Variants in SLC9A9 observed in about 807,000 individuals in gnomAD.
SLC9A9 encodes the protein solute carrier family 9 member A9, also known as sodium/hydrogen exchanger 9.
In SLC9A9, 62 loss-of-function variants were observed where a neutral mutation model predicts 77.8. That is an observed-to-expected ratio of 0.80 (90% CI 0.65 to 0.98). The LOEUF is 0.98. SLC9A9 is among the 50% of genes least tolerant of loss of function. The pLI is 0.00. For synonymous variants in SLC9A9, 320 were observed against 283.5 expected (o/e 1.13, Z -1.29); for missense variants, 775 against 774.9 (o/e 1.00, Z 0.00).
Position 143,767,376 on chromosome 3 carries a change from ATGTGTGTGTGTGTG to A in SLC9A9, c.533+27611_533+27624del, listed in dbSNP as rs142594079. Among the ~76,000 whole-genome samples the A allele has an allele frequency of 5.0e-5, 7 of 141,376 alleles. No homozygotes were observed. The South Asian group carries it at 7.3e-4, about 15-fold the overall frequency. 92.7% of individuals were successfully genotyped at this position (141,376 alleles called of 152,430 possible). ...TTTGTGAAACAGTAAGTGTCTGTGT[ATGTGTGTGTGTGTG>A]TGTGTGTGTGTGTGTGTGTGTGTTT... is the stretch of plus-strand genomic sequence containing the variant. On this transcript the variant is annotated intron_variant, in intron 4 of 15. Transcript: ENST00000316549.
chr3:143,821,410 A>G (rs905009562), intron 2 of SLC9A9, among the ~76,000 whole-genome samples: 1 of 152,238 alleles, frequency 6.6e-6, no homozygotes, highest in African/African-American at 2.4e-5. Flanking sequence ...CATCTCAGAG[A>G]TGAGATTCAA....
intron 6 of SLC9A9, among the ~76,000 whole-genome samples, chr3:143,600,473 A>T (rs1415273622): frequency 6.6e-6 from 1 of 152,222 alleles, no homozygotes; most frequent in African/African-American, 2.4e-5. Flanking sequence ...TAAGTGTGTG[A>T]AAAATACAAC....
At chr3:143,333,333 G>A (rs1261031530) in intron 14 of SLC9A9, among the ~76,000 whole-genome samples, 1 of 147,866 alleles carries the variant, frequency 6.8e-6, no homozygotes, top group Non-Finnish European at 1.5e-5. Flanking sequence ...TTGTTATTTA[G>A]CAAGCAAATA....
intron 8 of SLC9A9, among the ~76,000 whole-genome samples, chr3:143,555,583 G>A (rs909326684): frequency 1.3e-5 from 2 of 152,176 alleles, no homozygotes; most frequent in African/African-American, 2.4e-5. Flanking sequence ...ATAGTCCATA[G>A]CATCCCTGTG....
At position 143,316,912 on chromosome 3, in the gene SLC9A9, A is replaced by G. The variant is rs62276761; in HGVS notation, c.1604+46572T>C. ...TGAGTAACTGAGGCTCAGAGAGGTC[A>G]AGTAGCTTGCACATGATCACACAGA... On this transcript the variant is annotated intron_variant, in intron 14 of 15. Transcript: ENST00000316549. Among the ~76,000 whole-genome samples, 1,206 of 152,232 alleles carry G rather than the reference A, an allele frequency of 7.9e-3. 6 individuals are homozygous for G. Among genetic ancestry groups the G allele is most frequent in the Middle Eastern group, 0.02 (6 of 294 alleles).
rs947352526 is a variant in SLC9A9 at position 143,838,663 on chromosome 3, G to A, written c.176-6442C>T. On this transcript the variant is annotated intron_variant, in intron 1 of 15. Coordinates refer to ENST00000316549, the MANE Select transcript of SLC9A9 (RefSeq NM_173653.4). ...GGAATTCCAAGATGAAAGGAATAAC[G>A]TTCAAGGAAGAATGTTCTTTACCAT... is the stretch of plus-strand genomic sequence containing the variant. 3.3e-5 allele frequency among the ~76,000 whole-genome samples: 5 copies of A among 152,272 alleles called. No individual in the cohort carries two copies. The East Asian group carries it at 9.6e-4, about 29-fold the overall frequency.
chr3:143,467,299 TA>T (rs2035299065), intron 11 of SLC9A9, 109 bp from the exon 12 acceptor site: 1 of 1,216,338 alleles, frequency 8.2e-7, no homozygotes, highest in Non-Finnish European at 1.2e-6. Flanking sequence ...TTAATCTTTT[TA>T]TTTTGAGATA....
At chr3:143,540,124 C>T (rs995075721) in intron 9 of SLC9A9, among the ~76,000 whole-genome samples, 1 of 151,934 alleles carries the variant, frequency 6.6e-6, no homozygotes, top group Non-Finnish European at 1.5e-5. Context: ...GTATGTGCCA[C>T]CAAGACATTG....
chr3:143,315,798 G>C (rs1270186748), intron 14 of SLC9A9, among the ~76,000 whole-genome samples: 1 of 152,166 alleles, frequency 6.6e-6, no homozygotes, highest in Non-Finnish European at 1.5e-5. Context: ...TGCTTCCCTG[G>C]GGTAAAGCTA....
chr3:143,279,178 C>A (rs1367586204), intron 14 of SLC9A9, among the ~76,000 whole-genome samples: 2 of 152,146 alleles, frequency 1.3e-5, no homozygotes, highest in Non-Finnish European at 2.9e-5. Flanking sequence ...GCTTCTGGAG[C>A]CCTAGGAAAA....
At chr3:143,527,478 C>A (rs180967528) in intron 9 of SLC9A9, among the ~76,000 whole-genome samples, 1 of 152,290 alleles carries the variant, frequency 6.6e-6, no homozygotes, top group Admixed American at 6.5e-5. Context: ...ACTTACTTGA[C>A]TAGTTGTCTT....
intron 14 of SLC9A9, among the ~76,000 whole-genome samples, chr3:143,286,837 G>A (rs760308672): frequency 5.9e-5 from 9 of 152,164 alleles, no homozygotes; most frequent in Admixed American, 3.9e-4. Flanking sequence ...ACTTCCTAGT[G>A]TCTGACAGAC....
intron 12 of SLC9A9, among the ~76,000 whole-genome samples, chr3:143,393,023 T>C (rs938711335): frequency 1.3e-5 from 2 of 152,138 alleles, no homozygotes; most frequent in Admixed American, 1.3e-4. Context: ...ACTGTCAATA[T>C]TAGACAGATA....
intron 9 of SLC9A9, among the ~76,000 whole-genome samples, chr3:143,505,532 A>G (rs1393729356): frequency 6.6e-6 from 1 of 152,168 alleles, no homozygotes; most frequent in East Asian, 1.9e-4. Context: ...GAGGAGGTGC[A>G]CCACTTAAGC....
intron 4 of SLC9A9, among the ~76,000 whole-genome samples, chr3:143,777,194 T>A (rs1183125452): frequency 6.6e-6 from 1 of 152,160 alleles, no homozygotes; most frequent in Non-Finnish European, 1.5e-5. Flanking sequence ...AAAATAGCCA[T>A]TTTTATTTAA....
In SLC9A9 at chr3:143,540,601, C is replaced by G. The variant is rs369229122; in HGVS notation, c.1089+11761G>C. 1.1e-4 allele frequency among the ~76,000 whole-genome samples: 17 copies of G among 152,214 alleles called. No individual in the cohort carries two copies. The East Asian group carries it at 3.3e-3, about 29-fold the overall frequency. ...AATAAATTGAAAATGATCAGGATCA[C>G]GTGTAAAGTTTCATAAATTTAATAA... On this transcript the variant is annotated intron_variant, in intron 9 of 15. Transcript: ENST00000316549.
intron 14 of SLC9A9, among the ~76,000 whole-genome samples, chr3:143,286,646 T>C (rs1227875817): frequency 6.6e-6 from 1 of 152,214 alleles, no homozygotes; most frequent in Non-Finnish European, 1.5e-5. Flanking sequence ...TTTTGTGCTG[T>C]GGGGCTATGT....
intron 8 of SLC9A9, 36 bp from the exon 9 acceptor site, chr3:143,552,486 T>C: frequency 6.3e-7 from 1 of 1,586,780 alleles, no homozygotes; most frequent in Admixed American, 1.7e-5. Context: ...AAAACCAATT[T>C]TTCTTTTCCA....
At chr3:143,371,218 G>T (rs2108490221) in intron 13 of SLC9A9, among the ~76,000 whole-genome samples, 1 of 152,282 alleles carries the variant, frequency 6.6e-6, no homozygotes, top group East Asian at 1.9e-4. Context: ...ATCACATAGT[G>T]CTAAGAAACA....
Sources: allele counts gnomAD v4.1 joint callset (sites outside exome capture counted in the v4.1 genomes callset), GRCh38; gene constraint gnomAD v4.1.1; transcripts MANE v1.5; gene names NCBI Gene and HGNC (gene_info 2026-07-23, HGNC 2026-07-21).